Variants in BTBD9 observed in about 807,000 individuals in gnomAD.
The protein encoded by BTBD9 is BTB/POZ domain-containing protein 9.
A neutral mutation model predicts 64.3 loss-of-function variants in BTBD9; 49 were observed. That is an observed-to-expected ratio of 0.76 (90% CI 0.61 to 0.97). BTBD9 has a LOEUF of 0.97. Ranked by LOEUF, BTBD9 falls within the 50% of genes least tolerant of loss-of-function variation. The pLI is 0.00. For missense variants in BTBD9, 598 were observed against 762.1 expected, an observed-to-expected ratio of 0.78 and a Z score of 2.53; for synonymous variants, 260 against 274.7, an observed-to-expected ratio of 0.95 and a Z score of 0.53.
At position 38,344,999 on chromosome 6, in the gene BTBD9, C is replaced by G; in HGVS notation, c.1249G>C (p.Glu417Gln). Reference sequence around the variant, plus strand: ...TAATACTTACCTATCAGCCCCTTCTCAAGAGTGAAGGTTTTGTTTGTAAAC... The same window carrying G: ...TAATACTTACCTATCAGCCCCTTCTGAAGAGTGAAGGTTTTGTTTGTAAAC... ...CMFTNKTFTL[E>Q]KGLIVPMENV... Residue 417 changes from glutamate to glutamine, a missense_variant, in exon 7 of 11, where the codon GAG (glutamate) becomes CAG (glutamine). Glu to Gln is a conservative substitution (Grantham distance 29). Transcript: ENST00000481247. 1.2e-6 allele frequency: 2 copies of G among 1,604,036 alleles called. No homozygotes were observed. The highest frequency in any genetic ancestry group is 2.2e-5 in the South Asian group (2 of 90,116).
chr6:38,560,776 T>C (rs1224494111), intron 6 of BTBD9, among the ~76,000 whole-genome samples: 2 of 152,176 alleles, frequency 1.3e-5, no homozygotes, highest in African/African-American at 4.8e-5. Flanking sequence ...TGTTCCCCTC[T>C]TTGTGTCCAT....
intron 1 of BTBD9, among the ~76,000 whole-genome samples, chr6:38,627,050 C>G (rs149436373): frequency 2.1e-3 from 325 of 152,226 alleles, no homozygotes; most frequent in African/African-American, 7.4e-3. Context: ...GTAAAGAGAG[C>G]AAAGAAATCA....
intron 6 of BTBD9, among the ~76,000 whole-genome samples, chr6:38,564,179 C>T (rs1775379509): frequency 6.6e-6 from 1 of 152,136 alleles, no homozygotes; most frequent in Non-Finnish European, 1.5e-5. Context: ...CGTGTTATAC[C>T]TTTACTGTCC....
intron 8 of BTBD9, among the ~76,000 whole-genome samples, chr6:38,272,939 G>T (rs1765244306): frequency 1.3e-5 from 2 of 152,174 alleles, no homozygotes; most frequent in Non-Finnish European, 1.5e-5. Flanking sequence ...AGGAATTAGA[G>T]CTATTGTTCT....
chr6:38,407,738 C>T (rs1767232026), intron 6 of BTBD9, among the ~76,000 whole-genome samples: 1 of 152,136 alleles, frequency 6.6e-6, no homozygotes, highest in African/African-American at 2.4e-5. Flanking sequence ...GGTATTTTCA[C>T]AATGTTTTCC....
intron 6 of BTBD9, among the ~76,000 whole-genome samples, chr6:38,491,145 C>T (rs531325967): frequency 1.3e-5 from 2 of 152,226 alleles, no homozygotes; most frequent in African/African-American, 4.8e-5. Flanking sequence ...CAAAAGACAA[C>T]GAAACTCAAG....
Position 38,256,428 on chromosome 6 carries a change from TG to T in BTBD9, c.1542del (p.Asp514GlufsTer13). On this transcript the variant is annotated frameshift_variant, in exon 9 of 11. Coordinates refer to ENST00000481247, the MANE Select transcript of BTBD9 (RefSeq NM_001099272.2). LOFTEE classifies it high-confidence loss of function. ...TNQQQWTMVADRTKVSCKSWQ... is the reference protein window; with the variant it reads ...TNQQQWTMVAXRTKVSCKSWQ... ...ACTTACTTGCAGGAGACTTTAGTTC[TG>T]TCAGCAACCATGGTCCACTGTTGCT... 1 of 1,613,326 alleles carries T rather than the reference TG, an allele frequency of 6.2e-7. No homozygotes were observed. The highest frequency in any genetic ancestry group is 8.5e-7 in the Non-Finnish European group (1 of 1,179,264).
intron 6 of BTBD9, among the ~76,000 whole-genome samples, chr6:38,538,342 A>G (rs1774115865): frequency 6.6e-6 from 1 of 152,184 alleles, no homozygotes; most frequent in East Asian, 1.9e-4. Flanking sequence ...TGAGGAACAC[A>G]TGCATTGTCA....
In BTBD9 at chr6:38,301,003, A is replaced by G. The variant is rs548804434; in HGVS notation, c.1265-12542T>C. On this transcript the variant is annotated intron_variant, in intron 7 of 10. Transcript: ENST00000481247. ...ATGATATTGGCTGTGGGTTTGTCAT[A>G]GATAGCTCTTATTATTTTGAGATAC... Among the ~76,000 whole-genome samples, 178 of 152,256 alleles carry G rather than the reference A, an allele frequency of 1.2e-3. No individual in the cohort carries two copies. In the Middle Eastern group the frequency reaches 0.014, roughly 12 times the overall value.
At chr6:38,478,122 C>T (rs867181190) in intron 6 of BTBD9, among the ~76,000 whole-genome samples, 2 of 152,110 alleles carry the variant, frequency 1.3e-5, no homozygotes, top group Admixed American at 1.3e-4. Flanking sequence ...GCTGTTTCCT[C>T]TCTTTTCCCT....
chr6:38,395,479 A>G (rs1766626189), intron 6 of BTBD9, among the ~76,000 whole-genome samples: 1 of 152,138 alleles, frequency 6.6e-6, no homozygotes, highest in Non-Finnish European at 1.5e-5. Context: ...AGAAAGCGCC[A>G]CCTATAAATG....
chr6:38,402,676 A>C, intron 6 of BTBD9: 1 of 596,352 alleles, frequency 1.7e-6, no homozygotes, highest in Non-Finnish European at 3.0e-6. Flanking sequence ...AAAATGGATC[A>C]AAGACCTAAA....
chr6:38,454,922 A>G (rs1769729476), intron 6 of BTBD9, among the ~76,000 whole-genome samples: 1 of 152,200 alleles, frequency 6.6e-6, no homozygotes, highest in African/African-American at 2.4e-5. Flanking sequence ...CAGCTTAAAG[A>G]AAGTCATTGC....
intron 6 of BTBD9, among the ~76,000 whole-genome samples, chr6:38,473,543 T>C (rs1770742227): frequency 6.6e-6 from 1 of 152,230 alleles, no homozygotes; most frequent in South Asian, 2.1e-4. Context: ...TGATTCCTAC[T>C]CTGCTCTTAT....
At chr6:38,396,036 A>G (rs1007798586) in intron 6 of BTBD9, among the ~76,000 whole-genome samples, 4 of 152,140 alleles carry the variant, frequency 2.6e-5, no homozygotes, top group Non-Finnish European at 4.4e-5. Flanking sequence ...GTTTGGGGTG[A>G]TCTGTTACAC....
intron 10 of BTBD9, among the ~76,000 whole-genome samples, chr6:38,188,874 G>C (rs1344785295): frequency 1.3e-5 from 2 of 152,202 alleles, no homozygotes; most frequent in Non-Finnish European, 2.9e-5. Flanking sequence ...ACACACCAAA[G>C]AAGGCCGTCT....
chr6:38,417,062 C>T (rs1767701494), intron 6 of BTBD9, among the ~76,000 whole-genome samples: 1 of 152,192 alleles, frequency 6.6e-6, no homozygotes. Context: ...ACCTCAGCCT[C>T]CCAAGTAGCT....
chr6:38,374,283 G>GTATATATATATACATA (rs1554143528), intron 6 of BTBD9, among the ~76,000 whole-genome samples: 4 of 45,486 alleles, frequency 8.8e-5, no homozygotes, highest in Non-Finnish European at 1.4e-4. Context: ...AAAAAAAAAA[G>GTATATATATATACATA]TATATATATA....
intron 1 of BTBD9, among the ~76,000 whole-genome samples, chr6:38,607,897 G>A (rs1465758934): frequency 6.6e-6 from 1 of 151,886 alleles, no homozygotes; most frequent in Non-Finnish European, 1.5e-5. Flanking sequence ...AAAACAAACA[G>A]AATCATTCAA....
Sources: allele counts gnomAD v4.1 joint callset (sites outside exome capture counted in the v4.1 genomes callset), GRCh38; gene constraint gnomAD v4.1.1; transcripts MANE v1.5; gene names NCBI Gene and HGNC (gene_info 2026-07-23, HGNC 2026-07-21).